Variants in SLC9A9 observed in about 807,000 individuals in gnomAD.
SLC9A9 encodes the protein solute carrier family 9 member A9, also known as sodium/hydrogen exchanger 9.
Under a neutral mutation model 77.8 loss-of-function variants are expected in SLC9A9, and 62 were observed. That is an observed-to-expected ratio of 0.80 (90% CI 0.65 to 0.98). The LOEUF (loss-of-function observed/expected upper bound fraction) is 0.98, where lower values mean the gene tolerates loss of function less well. Ranked by LOEUF, SLC9A9 falls within the 50% of genes least tolerant of loss-of-function variation. SLC9A9 has a pLI of 0.00. For synonymous variants in SLC9A9, 320 were observed against 283.5 expected, an observed-to-expected ratio of 1.13 and a Z score of -1.29; for missense variants, 775 against 774.9, an observed-to-expected ratio of 1.00 and a Z score of 0.00.
chr3:143,424,584 C>G (rs983903246), intron 12 of SLC9A9, among the ~76,000 whole-genome samples: 2 of 152,134 alleles, frequency 1.3e-5, no homozygotes, highest in African/African-American at 4.8e-5. Context: ...CCTGCCTCTG[C>G]CTCCCCAAGT....
chr3:143,748,304 C>T (rs1935246844), intron 4 of SLC9A9, among the ~76,000 whole-genome samples: 1 of 152,242 alleles, frequency 6.6e-6, no homozygotes, highest in Non-Finnish European at 1.5e-5. Flanking sequence ...CTGGGCTCAG[C>T]CAAGCCAGCA....
At chr3:143,636,901 G>GCC (rs2038532643) in intron 6 of SLC9A9, among the ~76,000 whole-genome samples, 1 of 152,028 alleles carries the variant, frequency 6.6e-6, no homozygotes, top group Non-Finnish European at 1.5e-5. Context: ...CGGAGCCTTA[G>GCC]CCCCCACCCC....
chr3:143,620,503 T>C (rs1159134419), intron 6 of SLC9A9: 1 of 152,210 alleles, frequency 6.6e-6, no homozygotes, highest in East Asian at 1.9e-4. Flanking sequence ...CCAGAGGTGG[T>C]GGACAAGCAC....
rs1302047800 is a variant in SLC9A9 at position 143,495,407 on chromosome 3, G to A, written c.1131C>T (p.Phe377=). The A allele has an allele frequency of 1.9e-6, 3 of 1,614,154 alleles. No homozygotes were observed. The highest frequency in any genetic ancestry group is 4.5e-5 in the East Asian group (2 of 44,888). The change falls in exon 10 of 16, where the codon TTC becomes TTT. Residue 377 remains phenylalanine (F), a synonymous_variant. Transcript: ENST00000316549. ...FMNFLAENVI[F]CYMGLALFTF... ...TGAACAGTGCCAGGCCCATGTAACA[G>A]AAGATGACGTTCTCCGCCAAAAAGT...
intron 9 of SLC9A9, among the ~76,000 whole-genome samples, chr3:143,514,004 C>T (rs559974522): frequency 4.0e-5 from 6 of 151,810 alleles, no homozygotes; most frequent in African/African-American, 1.5e-4. Context: ...CGTCCCCCTA[C>T]CCCAGGACAG....
chr3:143,822,829 G>C (rs192828221), intron 2 of SLC9A9, among the ~76,000 whole-genome samples: 11 of 152,252 alleles, frequency 7.2e-5, no homozygotes, highest in African/African-American at 2.4e-4. Context: ...CTCTCTCTCT[G>C]TTTTCTGTTC....
chr3:143,686,254 C>T (rs1419937341), intron 5 of SLC9A9, among the ~76,000 whole-genome samples: 2 of 151,748 alleles, frequency 1.3e-5, no homozygotes, highest in Non-Finnish European at 2.9e-5. Context: ...TTCTAGATAT[C>T]AGAACTGTAA....
intron 12 of SLC9A9, among the ~76,000 whole-genome samples, chr3:143,460,301 T>C (rs2035167717): frequency 6.6e-6 from 1 of 152,158 alleles, no homozygotes; most frequent in Admixed American, 6.5e-5. Context: ...TTGTTCAGTG[T>C]TTTTAGCTGC....
At chr3:143,490,156 A>G (rs1248338036) in intron 11 of SLC9A9, among the ~76,000 whole-genome samples, 1 of 152,104 alleles carries the variant, frequency 6.6e-6, no homozygotes, top group Non-Finnish European at 1.5e-5. Context: ...TGACCCAGCA[A>G]TTCTACTTCT....
At chr3:143,293,471 C>T (rs2030109657) in intron 14 of SLC9A9, among the ~76,000 whole-genome samples, 1 of 152,158 alleles carries the variant, frequency 6.6e-6, no homozygotes, top group African/African-American at 2.4e-5. Flanking sequence ...GAGACTAATT[C>T]ATACTGTTTA....
chr3:143,760,178 C>T (rs985048641), intron 4 of SLC9A9, among the ~76,000 whole-genome samples: 1 of 151,762 alleles, frequency 6.6e-6, no homozygotes, highest in Non-Finnish European at 1.5e-5. Flanking sequence ...GAGATATGTC[C>T]CATCAATACC....
At chr3:143,519,838 T>C (rs978486106) in intron 9 of SLC9A9, among the ~76,000 whole-genome samples, 1 of 152,222 alleles carries the variant, frequency 6.6e-6, no homozygotes. Flanking sequence ...ATAAGACATC[T>C]GCATTTTTGG....
chr3:143,504,700 T>C (rs1468853264), intron 9 of SLC9A9, among the ~76,000 whole-genome samples: 2 of 152,216 alleles, frequency 1.3e-5, no homozygotes, highest in African/African-American at 4.8e-5. Context: ...AAGAAATGTA[T>C]TAAAAGCTTT....
intron 5 of SLC9A9, among the ~76,000 whole-genome samples, chr3:143,684,867 T>A (rs1933212468): frequency 6.6e-6 from 1 of 152,038 alleles, no homozygotes; most frequent in Non-Finnish European, 1.5e-5. Context: ...AGAAAGCAAA[T>A]CTCAGACATA....
At chr3:143,637,398 A>T (rs575567857) in intron 6 of SLC9A9, among the ~76,000 whole-genome samples, 24 of 152,258 alleles carry the variant, frequency 1.6e-4, no homozygotes, top group African/African-American at 5.3e-4. Context: ...GCTTGACTAC[A>T]TATCTTTTAA....
intron 13 of SLC9A9, among the ~76,000 whole-genome samples, chr3:143,373,233 A>T (rs569661493): frequency 1.3e-5 from 2 of 152,336 alleles, no homozygotes; most frequent in East Asian, 3.9e-4. Flanking sequence ...GGCTAAAGAA[A>T]ATGTGGTATG....
intron 4 of SLC9A9, among the ~76,000 whole-genome samples, chr3:143,735,900 A>G (rs1934929910): frequency 6.6e-6 from 1 of 152,166 alleles, no homozygotes; most frequent in Non-Finnish European, 1.5e-5. Context: ...TTTCAATGGT[A>G]ATTGTAACTG....
At chr3:143,765,835 G>A (rs1387826540) in intron 4 of SLC9A9, among the ~76,000 whole-genome samples, 1 of 152,178 alleles carries the variant, frequency 6.6e-6, no homozygotes, top group Non-Finnish European at 1.5e-5. Context: ...CATGTAGCCT[G>A]CTTTGTCCAA....
At chr3:143,368,402 G>A (rs917608863) in intron 13 of SLC9A9, among the ~76,000 whole-genome samples, 6 of 152,140 alleles carry the variant, frequency 3.9e-5, no homozygotes, top group African/African-American at 1.4e-4. Context: ...AAAGAACTAG[G>A]CAAATGTAAA....
Sources: gnomAD v4.1 joint callset for allele counts (sites outside exome capture counted in the v4.1 genomes callset) on GRCh38, gnomAD v4.1.1 for gene constraint, MANE v1.5 for transcripts, NCBI Gene and HGNC (gene_info 2026-07-23, HGNC 2026-07-21) for gene names.